ANK2: variants seen among roughly 807,000 people sequenced by gnomAD.
ANK2 encodes the protein ankyrin-2.
ANK2 carries 83 observed loss-of-function variants against 360.5 expected under a neutral mutation model. The observed-to-expected ratio is 0.23, with a 90% CI of 0.19 to 0.28. The LOEUF is 0.28. Among genes scored for constraint, ANK2 ranks in the 10% least tolerant of loss-of-function variants. The pLI, the probability that ANK2 is intolerant of heterozygous loss-of-function variation, is 1.00. For missense variants in ANK2, 4,201 were observed against 4,795.7 expected (o/e 0.88, Z 3.66); for synonymous variants, 1,740 against 1,759.5 (o/e 0.99, Z 0.28).
chr4:112,966,650 T>G (rs1378876034), intron 2 of ANK2, among the ~76,000 whole-genome samples: 1 of 152,088 alleles, frequency 6.6e-6, no homozygotes, highest in Non-Finnish European at 1.5e-5. Context: ...CTAGAATAGA[T>G]TTTTAGAGAA....
At chr4:112,896,961 A>G (rs2081948375) in intron 1 of ANK2, among the ~76,000 whole-genome samples, 1 of 152,218 alleles carries the variant, frequency 6.6e-6, no homozygotes, top group Admixed American at 6.5e-5. Flanking sequence ...AAGCCTCTGT[A>G]TGAAAGGGGA....
In ANK2 at chr4:112,907,512, A is replaced by G. The variant is rs574193152; in HGVS notation, c.21+2998A>G. Among the ~76,000 whole-genome samples, 6 of 152,224 alleles carry G rather than the reference A, an allele frequency of 3.9e-5. No homozygotes were observed. The East Asian group carries it at 1.2e-3, about 29-fold the overall frequency. ...TCTTCTTTCCCCTCCTCCTCATCCT[A>G]CTTTCAGGAAGTTCCCCTGAGACAT... On this transcript the variant is annotated intron_variant, in intron 2 of 30. Transcript: ENST00000503271.
In ANK2 at chr4:113,264,977, T is replaced by A. The variant is rs1406374428; in HGVS notation, c.1467T>A (p.Leu489=). The change falls in exon 14 of 46, where the codon CTT becomes CTA. Residue 489 remains leucine, a synonymous_variant. Transcript: ENST00000357077. ...GATGCCTCCTGAGAAATGGTGCCCT[T>A]GTTGATGCCAGAGCCAGGGTAGGTA... is the stretch of plus-strand genomic sequence containing the variant. The part of the protein sequence containing the change: ...VVRCLLRNGA[L]VDARAREEQT... The A allele has an allele frequency of 4.5e-6, 7 of 1,563,444 alleles. No individual in the cohort carries two copies. Among genetic ancestry groups the A allele is most frequent in the Non-Finnish European group, 5.2e-6 (6 of 1,152,798 alleles).
At chr4:112,960,822 C>A (rs981090183) in intron 2 of ANK2, among the ~76,000 whole-genome samples, 3 of 152,040 alleles carry the variant, frequency 2.0e-5, no homozygotes, top group Non-Finnish European at 4.4e-5. Flanking sequence ...CCCCTTTTTA[C>A]CTTCATGACA....
intron 1 of ANK2, among the ~76,000 whole-genome samples, chr4:112,879,722 C>T (rs1192320203): frequency 6.6e-6 from 1 of 152,098 alleles, no homozygotes; most frequent in African/African-American, 2.4e-5. Context: ...CTAAAAGCAA[C>T]CACAAAGGGA....
At chr4:112,885,622 C>A (rs1353999463) in intron 1 of ANK2, among the ~76,000 whole-genome samples, 1 of 151,204 alleles carries the variant, frequency 6.6e-6, no homozygotes, top group Non-Finnish European at 1.5e-5. Flanking sequence ...TGGTGAAACC[C>A]CGTCTCTGCT....
At chr4:113,260,365 A>G (rs1329339961) in intron 13 of ANK2, among the ~76,000 whole-genome samples, 1 of 152,210 alleles carries the variant, frequency 6.6e-6, no homozygotes, top group African/African-American at 2.4e-5. Context: ...TTTGACAATC[A>G]TTATATTAAA....
intron 4 of ANK2, among the ~76,000 whole-genome samples, chr4:113,219,926 C>A (rs1176616127): frequency 1.3e-5 from 2 of 152,014 alleles, no homozygotes; most frequent in African/African-American, 4.8e-5. Flanking sequence ...ATTAGATAAA[C>A]AACAAAAAGG....
chr4:113,252,712 A>C (rs568550927), intron 10 of ANK2, among the ~76,000 whole-genome samples: 1 of 152,162 alleles, frequency 6.6e-6, no homozygotes, highest in African/African-American at 2.4e-5. Flanking sequence ...CATTCACATC[A>C]TGCCCTTACC....
chr4:113,073,748 C>T (rs2078732226), intron 1 of ANK2, among the ~76,000 whole-genome samples: 1 of 152,166 alleles, frequency 6.6e-6, no homozygotes, highest in African/African-American at 2.4e-5. Context: ...CTTGACTCTC[C>T]TGCTGATCAT....
chr4:113,087,247 A>G (rs189988986), intron 1 of ANK2, among the ~76,000 whole-genome samples: 1 of 152,192 alleles, frequency 6.6e-6, no homozygotes, highest in African/African-American at 2.4e-5. Context: ...AGAGCAGCAC[A>G]TGGTAAAGTC....
intron 2 of ANK2, among the ~76,000 whole-genome samples, chr4:112,991,468 G>T (rs932221100): frequency 3.9e-5 from 6 of 152,002 alleles, no homozygotes; most frequent in Non-Finnish European, 8.8e-5. Flanking sequence ...GTCTTTGCTG[G>T]TATAATCCCT....
At chr4:113,011,797 C>G (rs773979415) in intron 2 of ANK2, among the ~76,000 whole-genome samples, 9 of 151,954 alleles carry the variant, frequency 5.9e-5, no homozygotes, top group Non-Finnish European at 7.4e-5. Context: ...CAAAATAATT[C>G]TTTATGCCAA....
chr4:113,219,422 T>G (rs1417175004), intron 4 of ANK2, among the ~76,000 whole-genome samples: 1 of 151,898 alleles, frequency 6.6e-6, no homozygotes, highest in Non-Finnish European at 1.5e-5. Context: ...ATTATAAAAT[T>G]TTATGTGATA....
chr4:113,109,465 A>G (rs2094039497), intron 1 of ANK2, among the ~76,000 whole-genome samples: 1 of 152,128 alleles, frequency 6.6e-6, no homozygotes, highest in Admixed American at 6.6e-5. Flanking sequence ...AGGTCTCGTT[A>G]TTTATTATTC....
rs192666294 is a variant in ANK2, at chr4:113,380,353, A to G, written c.11860-1104A>G. ...AATATTAGTATGACTTAAAATTAAT[A>G]TGACTATACAAAAGTTATAGCTCCT... is the stretch of plus-strand genomic sequence containing the variant. On this transcript the variant is annotated intron_variant, in intron 45 of 45. Coordinates refer to ENST00000357077, the MANE Select transcript of ANK2 (RefSeq NM_001148.6). 2.3e-3 allele frequency among the ~76,000 whole-genome samples: 348 copies of G among 152,358 alleles called. 1 individual carries two copies. The highest frequency in any genetic ancestry group is 8.0e-3 in the African/African-American group (334 of 41,588).
the ANK2 span, among the ~76,000 whole-genome samples, chr4:112,791,373 C>T: frequency 6.6e-6 from 1 of 151,502 alleles, no homozygotes; most frequent in Non-Finnish European, 1.5e-5. Flanking sequence ...GGTACATATT[C>T]GTAAAAAGGT....
intron 1 of ANK2, among the ~76,000 whole-genome samples, chr4:112,863,648 T>A (rs74440429): frequency 0.035 from 5,169 of 148,506 alleles, 125 homozygotes; most frequent in African/African-American, 0.058. Context: ...TCAGCCTCCC[T>A]AGTAGCCGGG....
intron 5 of ANK2, among the ~76,000 whole-genome samples, chr4:113,233,112 T>TCA (rs2099334821): frequency 2.2e-4 from 1 of 4,554 alleles, no homozygotes; most frequent in African/African-American, 7.6e-4. Flanking sequence ...TTCTGTTTTT[T>TCA]TTTTTTTTTT....
Sources: gnomAD v4.1 joint callset for allele counts (sites outside exome capture counted in the v4.1 genomes callset) on GRCh38, gnomAD v4.1.1 for gene constraint, MANE v1.5 for transcripts, NCBI Gene and HGNC (gene_info 2026-07-23, HGNC 2026-07-21) for gene names.